ZBTB45: variants seen among roughly 807,000 people sequenced by gnomAD.
ZBTB45 encodes zinc finger and BTB domain-containing protein 45.
A neutral mutation model predicts 28.4 loss-of-function variants in ZBTB45; 22 were observed. The ratio of observed to expected loss-of-function variants is 0.77; its 90% CI spans 0.55 to 1.10. ZBTB45 has a LOEUF of 1.10. ZBTB45 is among the 50% of genes least tolerant of loss of function. The pLI is 0.00. For synonymous variants in ZBTB45, 361 were observed against 332.3 expected (o/e 1.09, Z -0.94); for missense variants, 656 against 750.2 (o/e 0.87, Z 1.47).
chr19:58,524,435 A>ATG (rs56704623), upstream of ZBTB45, among the ~76,000 whole-genome samples: 36,499 of 137,896 alleles, frequency 0.26, 5,283 homozygotes, highest in Middle Eastern at 0.37. Context: ...GTGTTCATAT[A>ATG]TGTGTGTGTG....
At chr19:58,525,193 C>T (rs1414307625) in intron 1 of ZBTB45, among the ~76,000 whole-genome samples, 1 of 152,146 alleles carries the variant, frequency 6.6e-6, no homozygotes, top group African/African-American at 2.4e-5. Flanking sequence ...TTCATCCAGG[C>T]TCCCCCTCTT....
At chr19:58,523,937 G>T (rs2122581990), upstream of ZBTB45, among the ~76,000 whole-genome samples, 1 of 144,058 alleles carries the variant, frequency 6.9e-6, no homozygotes, top group East Asian at 2.2e-4. Flanking sequence ...AGCTGGGCGT[G>T]GTAGCAGGGG....
rs1341398527 is a variant in ZBTB45 at position 58,513,922 on chromosome 19, G to T, written c.*132C>A. On this transcript the variant is annotated 3_prime_UTR_variant, in exon 3 of 3. Transcript: ENST00000594051. ...TTAGGCCCTGGTATGGAGAAAGGGT[G>T]AAGGGAGAGAGAGGACCTGCGCTCA... 5 of 1,128,850 alleles carry T rather than the reference G, an allele frequency of 4.4e-6. No individual in the cohort carries two copies. Among genetic ancestry groups the T allele is most frequent in the African/African-American group, 1.7e-5 (1 of 60,426 alleles). 69.9% of individuals were successfully genotyped at this position (1,128,850 alleles called of 1,614,324 possible).
chr19:58,522,159 C>CTT (rs566701490), upstream of ZBTB45, among the ~76,000 whole-genome samples: 20 of 135,328 alleles, frequency 1.5e-4, no homozygotes, highest in African/African-American at 2.7e-4. Flanking sequence ...CCCGTCTCTA[C>CTT]TTTTTTTTTT....
intron 1 of ZBTB45, among the ~76,000 whole-genome samples, chr19:58,537,781 T>C (rs1380623319): frequency 1.3e-5 from 2 of 151,728 alleles, no homozygotes; most frequent in Non-Finnish European, 2.9e-5. Flanking sequence ...CGTCCCCCTC[T>C]CCCGTGATTT....
At chr19:58,529,300 G>T (rs1449778602) in intron 1 of ZBTB45, among the ~76,000 whole-genome samples, 2 of 152,148 alleles carry the variant, frequency 1.3e-5, no homozygotes, top group African/African-American at 4.8e-5. Flanking sequence ...GTTTAGCCAG[G>T]CATGATGGCG....
chr19:58,521,383 A>G (rs971828837), upstream of ZBTB45, among the ~76,000 whole-genome samples: 4 of 122,452 alleles, frequency 3.3e-5, no homozygotes, highest in East Asian at 2.2e-4. Context: ...AAAAAAAAAA[A>G]AGAAAGAAAG....
At chr19:58,533,707 T>C (rs2053645862) in intron 1 of ZBTB45, among the ~76,000 whole-genome samples, 1 of 152,170 alleles carries the variant, frequency 6.6e-6, no homozygotes, top group Non-Finnish European at 1.5e-5. Context: ...ATTCCCCAAC[T>C]GGAACCTTTG....
upstream of ZBTB45, chr19:58,519,867 C>A (rs1258093423): frequency 6.6e-6 from 1 of 152,314 alleles, no homozygotes; most frequent in Admixed American, 6.5e-5. Flanking sequence ...GCAGGGGAAA[C>A]CCTAGGCCGA....
intron 1 of ZBTB45, among the ~76,000 whole-genome samples, chr19:58,529,200 G>A (rs1343306496): frequency 6.6e-6 from 1 of 152,208 alleles, no homozygotes; most frequent in East Asian, 1.9e-4. Context: ...AGCACTTTGG[G>A]AGGCCAAGGC....
chr19:58,529,104 C>T (rs555816244), intron 1 of ZBTB45, among the ~76,000 whole-genome samples: 5 of 127,106 alleles, frequency 3.9e-5, no homozygotes, highest in Non-Finnish European at 6.2e-5. Context: ...AAAAAAAAGA[C>T]ATTGATGAGC....
At chr19:58,527,861 G>T (rs887439735) in intron 1 of ZBTB45, among the ~76,000 whole-genome samples, 1 of 152,170 alleles carries the variant, frequency 6.6e-6, no homozygotes, top group Non-Finnish European at 1.5e-5. Flanking sequence ...CAGCATTTTG[G>T]GAGGCCGAGG....
intron 1 of ZBTB45, among the ~76,000 whole-genome samples, chr19:58,537,187 T>TC (rs1256719113): frequency 6.6e-6 from 1 of 152,048 alleles, no homozygotes; most frequent in African/African-American, 2.4e-5. Flanking sequence ...TAATCTCCCT[T>TC]CCCCGACTGG....
In ZBTB45 at chr19:58,517,683, A is replaced by G; in HGVS notation, c.1-10T>C. 6.2e-7 allele frequency: 1 copy of G among 1,607,942 alleles called. No individual in the cohort carries two copies. Among genetic ancestry groups the G allele is most frequent in the South Asian group, 1.1e-5 (1 of 90,866 alleles). Reference sequence around the variant, plus strand: ...CCTCTGCAGCCGCCATCTGCACAGAACAAGAGGAGGGCAGGGAGAGGTCAA... The same window carrying G: ...CCTCTGCAGCCGCCATCTGCACAGAGCAAGAGGAGGGCAGGGAGAGGTCAA... On this transcript the variant is annotated splice_polypyrimidine_tract_variant and intron_variant, in intron 1 of 2. Coordinates refer to ENST00000594051, the MANE Select transcript of ZBTB45 (RefSeq NM_001316979.2).
chr19:58,529,388 AC>A (rs2053624753), intron 1 of ZBTB45, among the ~76,000 whole-genome samples: 1 of 152,188 alleles, frequency 6.6e-6, no homozygotes. Context: ...GCAGGATCGT[AC>A]CACCGCACTC....
intron 1 of ZBTB45, 181 bp downstream of exon 1, chr19:58,519,561 C>G (rs1384940999): frequency 3.3e-5 from 5 of 152,600 alleles, no homozygotes; most frequent in Non-Finnish European, 5.9e-5. Context: ...CCACCCTACG[C>G]CCAAAGCACC....
At position 58,514,362 on chromosome 19, in the gene ZBTB45, G is replaced by A. The variant is rs764148440; in HGVS notation, c.1280-52C>T. 21 of 1,392,232 alleles carry A rather than the reference G, an allele frequency of 1.5e-5. No homozygotes were observed. In the African/African-American group the frequency reaches 4.1e-4, roughly 27 times the overall value. 86.2% of individuals were successfully genotyped at this position (1,392,232 alleles called of 1,614,324 possible). On this transcript the variant is annotated intron_variant, in intron 2 of 2. Transcript: ENST00000594051. The stretch of plus-strand genomic sequence containing the variant: ...CGCAAGTCAGACTCTACAGCTCCCC[G>A]CCCCCACCCCACCCCACCCCCACCT...
chr19:58,533,071 G>A (rs932671269), intron 1 of ZBTB45, among the ~76,000 whole-genome samples: 1 of 152,024 alleles, frequency 6.6e-6, no homozygotes, highest in South Asian at 2.1e-4. Context: ...CCCGACCTCA[G>A]GTGATCCACC....
At chr19:58,534,176 G>A (rs1307380258) in intron 1 of ZBTB45, among the ~76,000 whole-genome samples, 1 of 152,130 alleles carries the variant, frequency 6.6e-6, no homozygotes, top group Non-Finnish European at 1.5e-5. Context: ...AAAGTCCATA[G>A]AGACAGAAAG....
Sources: allele counts gnomAD v4.1 joint callset (sites outside exome capture counted in the v4.1 genomes callset), GRCh38; gene constraint gnomAD v4.1.1; transcripts MANE v1.5; gene names NCBI Gene and HGNC (gene_info 2026-07-23, HGNC 2026-07-21).